The following CCDC158 variants were observed in gnomAD, a reference collection of about 807,000 sequenced individuals.
CCDC158 encodes coiled-coil domain-containing protein 158.
CCDC158 carries 116 observed loss-of-function variants against 138.6 expected under a neutral mutation model. The ratio of observed to expected loss-of-function variants is 0.84; its 90% CI spans 0.72 to 0.98. The LOEUF is 0.98. Ranked by LOEUF, CCDC158 falls within the 50% of genes least tolerant of loss-of-function variation. The pLI is 0.00. For synonymous variants in CCDC158, 436 were observed against 442.4 expected, an observed-to-expected ratio of 0.99 and a Z score of 0.18; for missense variants, 1,265 against 1,306.1, an observed-to-expected ratio of 0.97 and a Z score of 0.48.
chr4:76,330,216 C>A (rs995989781), intron 21 of CCDC158, among the ~76,000 whole-genome samples: 45 of 152,094 alleles, frequency 3.0e-4, no homozygotes, highest in African/African-American at 1.1e-3. Flanking sequence ...TAAACACGGG[C>A]TCAGGAGCCA....
intron 15 of CCDC158, among the ~76,000 whole-genome samples, chr4:76,354,325 G>A (rs963701370): frequency 4.7e-5 from 7 of 150,472 alleles, no homozygotes; most frequent in Non-Finnish European, 1.0e-4. Flanking sequence ...GAAGAAATAA[G>A]TCTATATGAT....
At chr4:76,343,411 G>A (rs1207613227) in intron 18 of CCDC158, among the ~76,000 whole-genome samples, 3 of 152,110 alleles carry the variant, frequency 2.0e-5, no homozygotes, top group Non-Finnish European at 2.9e-5. Flanking sequence ...GGGTCACCAA[G>A]CATTAAAAGA....
chr4:76,408,633 GC>G (rs1455435563), intron 2 of CCDC158, among the ~76,000 whole-genome samples: 1 of 152,154 alleles, frequency 6.6e-6, no homozygotes, highest in Non-Finnish European at 1.5e-5. Context: ...TGTGAATAGT[GC>G]CGCAATAAAA....
chr4:76,406,579 C>T (rs1320827909), intron 2 of CCDC158, among the ~76,000 whole-genome samples: 3 of 152,114 alleles, frequency 2.0e-5, no homozygotes, highest in Non-Finnish European at 4.4e-5. Context: ...GGGCACAAAT[C>T]AGTAGGTTCC....
intron 15 of CCDC158, among the ~76,000 whole-genome samples, 163 bp from the exon 16 acceptor site, chr4:76,353,444 T>C (rs113721698): frequency 0.012 from 1,860 of 152,316 alleles, 37 homozygotes; most frequent in African/African-American, 0.043. Flanking sequence ...GCTGGGAGTA[T>C]GTTATTATGT....
intron 23 of CCDC158, among the ~76,000 whole-genome samples, chr4:76,325,648 T>G (rs1178266115): frequency 2.0e-5 from 3 of 152,204 alleles, no homozygotes; most frequent in Admixed American, 6.5e-5. Context: ...GAGATAATGT[T>G]TACATATAAT....
intron 8 of CCDC158, 77 bp downstream of exon 8, chr4:76,382,533 A>T: frequency 1.1e-6 from 1 of 910,932 alleles, no homozygotes; most frequent in South Asian, 1.6e-5. Context: ...AAGTTCTAAA[A>T]GATTATAGAA....
intron 24 of CCDC158, among the ~76,000 whole-genome samples, chr4:76,322,066 A>G (rs1409958958): frequency 1.3e-5 from 2 of 151,958 alleles, no homozygotes; most frequent in African/African-American, 4.8e-5. Flanking sequence ...TGATGGGTGC[A>G]CCAAAATCTC....
At chr4:76,405,490 T>G (rs541118083) in intron 2 of CCDC158, among the ~76,000 whole-genome samples, 3 of 151,746 alleles carry the variant, frequency 2.0e-5, no homozygotes, top group Non-Finnish European at 4.4e-5. Context: ...AAAAGTAAAT[T>G]TGGAAAAAAA....
chr4:76,403,394 A>G (rs1728571699), intron 2 of CCDC158, 114 bp from the exon 3 acceptor site: 1 of 432,030 alleles, frequency 2.3e-6, no homozygotes, highest in Non-Finnish European at 4.0e-6. Context: ...TCTTCTCCAG[A>G]AAAATAATTA....
intron 3 of CCDC158, among the ~76,000 whole-genome samples, chr4:76,400,324 T>G (rs1728235707): frequency 6.8e-6 from 1 of 147,420 alleles, no homozygotes; most frequent in Non-Finnish European, 1.5e-5. Flanking sequence ...AAACACCGCA[T>G]GTTCTTACTC....
chr4:76,379,789 C>T (rs2110291204), intron 8 of CCDC158, among the ~76,000 whole-genome samples: 1 of 151,058 alleles, frequency 6.6e-6, no homozygotes, highest in Non-Finnish European at 1.5e-5. Context: ...CACGGTTTGG[C>T]TCTGTGTCCC....
intron 4 of CCDC158, among the ~76,000 whole-genome samples, chr4:76,390,638 C>T (rs10033589): frequency 0.029 from 4,476 of 151,894 alleles, 218 homozygotes; most frequent in African/African-American, 0.1. Context: ...TCATCAATAA[C>T]AACATTGAAC....
rs190025526 is a variant in CCDC158, at chr4:76,322,023, G to A, written c.3277+1279C>T. On this transcript the variant is annotated intron_variant, in intron 24 of 24. Transcript: ENST00000682701. ...CTTGGGGGAAGGGTGGGAGGTGGGTGAGGGAAAAAAGATACATCATATACT... is the reference window on the plus strand; with the variant it reads ...CTTGGGGGAAGGGTGGGAGGTGGGTAAGGGAAAAAAGATACATCATATACT... Among the ~76,000 whole-genome samples, 13 of 151,664 alleles carry A rather than the reference G, an allele frequency of 8.6e-5. No homozygotes were observed. The East Asian group carries it at 2.5e-3, about 29-fold the overall frequency.
chr4:76,313,801 AC>A (rs1719113126), intron 24 of CCDC158, among the ~76,000 whole-genome samples: 1 of 152,222 alleles, frequency 6.6e-6, no homozygotes, highest in Admixed American at 6.5e-5. Flanking sequence ...TTTATTCTTT[AC>A]ACAAATGAAA....
intron 13 of CCDC158, among the ~76,000 whole-genome samples, chr4:76,360,381 A>G (rs1041768128): frequency 6.6e-5 from 10 of 152,192 alleles, no homozygotes; most frequent in African/African-American, 2.4e-4. Flanking sequence ...AGCTGTGAGA[A>G]GAGGGCCACT....
intron 21 of CCDC158, among the ~76,000 whole-genome samples, chr4:76,331,083 A>ATCCGAGCCCTC (rs1720964359): frequency 6.6e-6 from 1 of 152,198 alleles, no homozygotes; most frequent in East Asian, 1.9e-4. Context: ...AATTGTTAAT[A>ATCCGAGCCCTC]TATATAGAGG....
chr4:76,340,408 T>A (rs1036580409), intron 18 of CCDC158, among the ~76,000 whole-genome samples: 1 of 152,236 alleles, frequency 6.6e-6, no homozygotes, highest in Non-Finnish European at 1.5e-5. Context: ...GCTTTGTCCA[T>A]GCTAGAAGAG....
intron 3 of CCDC158, among the ~76,000 whole-genome samples, chr4:76,400,587 A>T (rs1211587483): frequency 6.6e-6 from 1 of 151,622 alleles, no homozygotes; most frequent in African/African-American, 2.4e-5. Flanking sequence ...CTTCCTCTGC[A>T]CTACCCACCC....
Sources: allele counts gnomAD v4.1 joint callset (sites outside exome capture counted in the v4.1 genomes callset), GRCh38; gene constraint gnomAD v4.1.1; transcripts MANE v1.5; gene names NCBI Gene and HGNC (gene_info 2026-07-23, HGNC 2026-07-21).